WNT4: variants seen among roughly 807,000 people sequenced by gnomAD.
WNT4 encodes the protein protein Wnt-4.
Under a neutral mutation model 34.5 loss-of-function variants are expected in WNT4, and 16 were observed. The ratio of observed to expected loss-of-function variants is 0.46; its 90% confidence interval spans 0.31 to 0.70. The LOEUF (loss-of-function observed/expected upper bound fraction) is 0.70. Among genes scored for constraint, WNT4 ranks in the 30% least tolerant of loss-of-function variants. The probability of loss-of-function intolerance (pLI) is 0.04; values close to 1 mark genes in which losing one functional copy is unlikely to be tolerated. For missense variants in WNT4, 379 were observed against 495.9 expected (o/e 0.76, Z 2.24); for synonymous variants, 200 against 211.9 (o/e 0.94, Z 0.49).
At position 22,121,318 on chromosome 1, in the gene WNT4, A is replaced by C. The variant is rs1375861071; in HGVS notation, c.481T>G (p.Tyr161Asp). Residue 161 changes from tyrosine to aspartate, a missense_variant, in exon 4 of 5, where the codon TAC becomes GAC. Tyr to Asp is a radical substitution (Grantham distance 160). Transcript: ENST00000290167. ...QWSGCSDNIA[Y>D]GVAFSQSFVD... ...AACGACTGTGAGAAGGCCACACCGT[A>C]GGCGATGTTGTCAGAGCATCCTGAC... 1 of 1,614,126 alleles carries C rather than the reference A, an allele frequency of 6.2e-7. No individual in the cohort carries two copies. Among genetic ancestry groups the C allele is most frequent in the Non-Finnish European group, 8.5e-7 (1 of 1,180,012 alleles).
chr1:22,123,821 C>T (rs996110290), intron 2 of WNT4, among the ~76,000 whole-genome samples: 5 of 152,198 alleles, frequency 3.3e-5, no homozygotes, highest in African/African-American at 1.2e-4. Flanking sequence ...GAAGGGCTTC[C>T]TTAGGTCCAC....
chr1:22,143,010 G>A lies in WNT4; in HGVS notation c.-88C>T, dbSNP rs1349964788. 31 of 623,112 alleles carry A rather than the reference G, an allele frequency of 5.0e-5. No homozygotes were observed. The highest frequency in any genetic ancestry group is 6.0e-5 in the Non-Finnish European group (30 of 502,866). The allele number at this position is 623,112 out of a possible 1,614,324, so 38.6% of individuals were successfully genotyped here. A position where few individuals can be genotyped will look rare whatever the true frequency, so the allele number is the denominator to read the frequency against. ...GCTGCAGGTGGGCGCCCGCGGGCGG[G>A]CCGGGGCGCGCGCGGCGGGGCTCTG... On this transcript the variant is annotated 5_prime_UTR_variant, in exon 1 of 5. Transcript: ENST00000290167.
intron 2 of WNT4, among the ~76,000 whole-genome samples, chr1:22,124,293 C>T (rs1645924744): frequency 6.6e-6 from 1 of 152,234 alleles, no homozygotes; most frequent in South Asian, 2.1e-4. Context: ...TAAGGCAGAA[C>T]TCTACGGTGC....
At chr1:22,138,592 G>A (rs1045511519) in intron 1 of WNT4, among the ~76,000 whole-genome samples, 2 of 152,226 alleles carry the variant, frequency 1.3e-5, no homozygotes, top group African/African-American at 4.8e-5. Context: ...AAATCCTGCT[G>A]TAAACTGTGA....
rs1450784993 is a variant in WNT4 at position 22,137,826 on chromosome 1, G to T, written c.77+5020C>A. Among the ~76,000 whole-genome samples the T allele has an allele frequency of 6.6e-6, 1 of 152,156 alleles. No homozygotes were observed. Among genetic ancestry groups the T allele is most frequent in the South Asian group, 2.1e-4 (1 of 4,836 alleles). On this transcript the variant is annotated intron_variant, in intron 1 of 4. Coordinates refer to ENST00000290167, the MANE Select transcript of WNT4 (RefSeq NM_030761.5). This position sits in a 1 kb window ranked among gnomAD's most constrained non-coding sequence, Gnocchi z 5.3. ...GAGGGGCAGAGCAGCAGATCGGGGG[G>T]GCAACAGACACACTTCCTGCCACCC... is the stretch of plus-strand genomic sequence containing the variant.
At chr1:22,138,450 T>G (rs909817) in intron 1 of WNT4, among the ~76,000 whole-genome samples, 149,670 of 152,174 alleles carry the variant, frequency 0.98, 73,635 homozygotes, top group East Asian at 1. Flanking sequence ...ATTTTGTCCT[T>G]TCGCTTGGGG....
chr1:22,129,752 C>T lies in WNT4; in HGVS notation c.177G>A (p.Arg59=), dbSNP rs751464895. 6.2e-7 allele frequency: 1 copy of T among 1,614,084 alleles called. No homozygotes were observed. Among genetic ancestry groups the T allele is most frequent in the East Asian group, 2.2e-5 (1 of 44,868 alleles). Residue 59 remains arginine, a synonymous_variant, in exon 2 of 5, where the codon CGG becomes CGA. Transcript: ENST00000290167. ...LIQRQVQMCK[R]NLEVMDSVRR... ...GCACCGAGTCCATGACTTCCAGGTT[C>T]CGCTTGCACATCTGCACCTGCCTCT...
rs374015920 is a variant in WNT4 at position 22,121,530 on chromosome 1, C to T, written c.360G>A (p.Val120=). Residue 120 remains valine (V), a synonymous_variant, in exon 3 of 5, where the codon GTG becomes GTA. Transcript: ENST00000290167. ...AFVYAISSAG[V]AFAVTRACSS... ...TGCACGCCCGCGTCACTGCAAAGGC[C>T]ACACCTGCCGAAGAGATGGCGTACA... 6.2e-7 allele frequency: 1 copy of T among 1,613,890 alleles called. No homozygotes were observed. The highest frequency in any genetic ancestry group is 8.5e-7 in the Non-Finnish European group (1 of 1,180,040).
chr1:22,127,242 G>A (rs1456229707), intron 2 of WNT4: 4 of 492,588 alleles, frequency 8.1e-6, no homozygotes, highest in Admixed American at 2.2e-5. Flanking sequence ...TCCAGAGCAG[G>A]TACCACCCAG....
rs764690489 is a variant in WNT4 at position 22,120,361 on chromosome 1, C to T, written c.745G>A (p.Val249Met). 15 of 1,614,212 alleles carry T rather than the reference C, an allele frequency of 9.3e-6. No individual in the cohort carries two copies. Among genetic ancestry groups the T allele is most frequent in the East Asian group, 4.5e-5 (2 of 44,878 alleles). ...DGATEVEPRRVGSSRALVPRN... is the reference protein window; with the variant it reads ...DGATEVEPRRMGSSRALVPRN... Reference sequence around the variant, plus strand: ...GGCACCAGTGCCCTGGAGGAGCCCACGCGGCGTGGCTCCACCTCAGTGGCA... The same window carrying T: ...GGCACCAGTGCCCTGGAGGAGCCCATGCGGCGTGGCTCCACCTCAGTGGCA... Residue 249 changes from valine to methionine, a missense_variant, in exon 5 of 5, where the codon GTG (valine) becomes ATG (methionine). By Grantham distance (21) the Val-to-Met change is conservative. Coordinates refer to ENST00000290167, the MANE Select transcript of WNT4 (RefSeq NM_030761.5).
At chr1:22,122,291 A>G (rs761918734) in intron 2 of WNT4, among the ~76,000 whole-genome samples, 1 of 152,066 alleles carries the variant, frequency 6.6e-6, no homozygotes, top group East Asian at 1.9e-4. Flanking sequence ...ATTGTCCCCC[A>G]TTTTATAGAC....
rs1409812175 is a variant in WNT4, at chr1:22,134,139, C to T, written c.78-4288G>A. 2.6e-5 allele frequency among the ~76,000 whole-genome samples: 4 copies of T among 152,168 alleles called. No homozygotes were observed. Among genetic ancestry groups the T allele is most frequent in the African/African-American group, 7.2e-5 (3 of 41,468 alleles). On this transcript the variant is annotated intron_variant, in intron 1 of 4. Coordinates refer to ENST00000290167, the MANE Select transcript of WNT4 (RefSeq NM_030761.5). This position sits in a 1 kb window ranked among gnomAD's most constrained non-coding sequence, Gnocchi z 4.1. Reference sequence around the variant, plus strand: ...GCGGGTGTCCAGGTGGGGGCTGGGACGCCAGCGCAGGCCTCTCTGCCCCCT... The same window carrying T: ...GCGGGTGTCCAGGTGGGGGCTGGGATGCCAGCGCAGGCCTCTCTGCCCCCT...
chr1:22,136,018 C>T (rs1646019028), intron 1 of WNT4, among the ~76,000 whole-genome samples: 1 of 152,164 alleles, frequency 6.6e-6, no homozygotes, highest in South Asian at 2.1e-4. Context: ...ATCCTGGTAC[C>T]CTAGCCCCCT....
At chr1:22,136,272 T>C (rs1646020929) in intron 1 of WNT4, among the ~76,000 whole-genome samples, 1 of 152,146 alleles carries the variant, frequency 6.6e-6, no homozygotes, top group African/African-American at 2.4e-5. Flanking sequence ...TGACCTCACC[T>C]TGTCCCCCAA....
Position 22,120,091 on chromosome 1 carries a change from G to C in WNT4, c.1015C>G (p.Arg339Gly), listed in dbSNP as rs772408932. 1 of 1,612,312 alleles carries C rather than the reference G, an allele frequency of 6.2e-7. No individual in the cohort carries two copies. Among genetic ancestry groups the C allele is most frequent in the Non-Finnish European group, 8.5e-7 (1 of 1,179,726 alleles). ...AACTCCACGAGCCGCTGGCACTGCC[G>C]GCACTTGACGAAGCAGCACCAGTGG... The part of the protein sequence containing the change: ...KFHWCCFVKC[R>G]QCQRLVELHT... The change falls in exon 5 of 5, where the codon CGG becomes GGG. Residue 339 changes from arginine to glycine, a missense_variant. By Grantham distance (125) the Arg-to-Gly change is moderately radical (BLOSUM62 -2). Around this residue, in one of 2 missense-constraint regions of WNT4, gnomAD observed 313 missense variants for 445.8 expected, o/e 0.70. Coordinates refer to ENST00000290167, the MANE Select transcript of WNT4 (RefSeq NM_030761.5).
chr1:22,136,501 G>A (rs950628761), intron 1 of WNT4, among the ~76,000 whole-genome samples: 2 of 152,116 alleles, frequency 1.3e-5, no homozygotes, highest in Non-Finnish European at 1.5e-5. Flanking sequence ...TGAGTTCATC[G>A]GCCTTGGGGG....
At position 22,134,406 on chromosome 1, in the gene WNT4, C is replaced by A. The variant is rs989294900; in HGVS notation, c.78-4555G>T. 2.6e-5 allele frequency among the ~76,000 whole-genome samples: 4 copies of A among 152,238 alleles called. No homozygotes were observed. In the East Asian group the frequency reaches 7.7e-4, roughly 29 times the overall value. On this transcript the variant is annotated intron_variant, in intron 1 of 4. Coordinates refer to ENST00000290167, the MANE Select transcript of WNT4 (RefSeq NM_030761.5). The surrounding 1 kb of genome is among the most constrained non-coding windows in gnomAD (Gnocchi z 4.1). ...CTGGTTTCCCAAGATCCTAACCATA[C>A]CCCCCACTCACTTTTACATCTTTGA...
chr1:22,138,465 G>A lies in WNT4; in HGVS notation c.77+4381C>T, dbSNP rs1367898773. Among the ~76,000 whole-genome samples, 3 of 152,232 alleles carry A rather than the reference G, an allele frequency of 2.0e-5. No individual in the cohort carries two copies. In the East Asian group the frequency reaches 5.8e-4, roughly 29 times the overall value. ...ATTTTGTCCTTTCGCTTGGGGGGAT[G>A]TTACTGGCTATCTAGCCGGTAAAGG... On this transcript the variant is annotated intron_variant, in intron 1 of 4. Coordinates refer to ENST00000290167, the MANE Select transcript of WNT4 (RefSeq NM_030761.5).
rs776194127 is a variant in WNT4 at position 22,129,642 on chromosome 1, G to C, written c.287C>G (p.Pro96Arg). ...TTGCGTCACCACCTTGCCGAAGACG[G>C]GCAAGGAGTCGAGTGTGGAGCAGTT... ...RWNCSTLDSL[P>R]VFGKVVTQGT... The change falls in exon 2 of 5, where the codon CCC becomes CGC. Residue 96 changes from proline to arginine, a missense_variant. By Grantham distance (103) the Pro-to-Arg change is moderately radical. Coordinates refer to ENST00000290167, the MANE Select transcript of WNT4 (RefSeq NM_030761.5). The C allele has an allele frequency of 7.4e-6, 12 of 1,613,542 alleles. No homozygotes were observed. Among genetic ancestry groups the C allele is most frequent in the South Asian group, 5.5e-5 (5 of 91,082 alleles).
Sources: gnomAD v4.1 joint callset for allele counts (sites outside exome capture counted in the v4.1 genomes callset) on GRCh38, gnomAD v4.1.1 for gene constraint, gnomAD v4.1.1 regional missense constraint, Gnocchi (gnomAD v3.1) non-coding constraint, MANE v1.5 for transcripts, NCBI Gene and HGNC (gene_info 2026-07-23, HGNC 2026-07-21) for gene names.